Variants in UBE2E2 observed in about 807,000 individuals in gnomAD.
UBE2E2 encodes the protein ubiquitin-conjugating enzyme E2 E2.
A neutral mutation model predicts 24.7 loss-of-function variants in UBE2E2; 6 were observed. That is an observed-to-expected ratio of 0.24 (90% CI 0.13 to 0.48). UBE2E2 has a LOEUF of 0.48. Among genes scored for constraint, UBE2E2 ranks in the 20% least tolerant of loss-of-function variants. The pLI is 0.99. For synonymous variants in UBE2E2, 104 were observed against 83.6 expected, an observed-to-expected ratio of 1.24 and a Z score of -1.33; for missense variants, 169 against 245.0, an observed-to-expected ratio of 0.69 and a Z score of 2.07.
intron 4 of UBE2E2, among the ~76,000 whole-genome samples, chr3:23,527,833 C>T (rs1177878341): frequency 6.6e-6 from 1 of 151,954 alleles, no homozygotes; most frequent in Non-Finnish European, 1.5e-5. Context: ...CCCCACCCCA[C>T]CCCTTATGGC....
At chr3:23,270,415 G>T (rs534868632) in intron 3 of UBE2E2, among the ~76,000 whole-genome samples, 1 of 152,208 alleles carries the variant, frequency 6.6e-6, no homozygotes, top group African/African-American at 2.4e-5. Context: ...AGCCCCACGG[G>T]CCTGGGTTAT....
chr3:23,418,379 G>C (rs116076297), intron 3 of UBE2E2, among the ~76,000 whole-genome samples: 4,474 of 152,256 alleles, frequency 0.029, 110 homozygotes, highest in East Asian at 0.13. Flanking sequence ...GATCCGCTGT[G>C]TAACCAGTCC....
At chr3:23,496,348 A>G (rs1699601836) in intron 3 of UBE2E2, among the ~76,000 whole-genome samples, 1 of 152,142 alleles carries the variant, frequency 6.6e-6, no homozygotes, top group Admixed American at 6.5e-5. Flanking sequence ...CACTGCACAC[A>G]CTGAGAAGTG....
chr3:23,355,780 C>G (rs565382106), intron 3 of UBE2E2, among the ~76,000 whole-genome samples: 3 of 152,104 alleles, frequency 2.0e-5, no homozygotes, highest in African/African-American at 4.8e-5. Flanking sequence ...CCTCCTTTTT[C>G]TATAACAGTT....
chr3:23,203,848 C>T (rs35559434), intron 1 of UBE2E2, among the ~76,000 whole-genome samples: 1 of 151,842 alleles, frequency 6.6e-6, no homozygotes, highest in Non-Finnish European at 1.5e-5. Context: ...GGAAAGTGCC[C>T]GGCTTGATCT....
At chr3:23,218,259 C>A (rs1413882477) in intron 3 of UBE2E2, among the ~76,000 whole-genome samples, 16 of 152,108 alleles carry the variant, frequency 1.1e-4, no homozygotes, top group Non-Finnish European at 2.2e-4. Context: ...TGTGGTGAAT[C>A]TAATATGGTT....
chr3:23,565,951 T>C (rs1440103002), intron 5 of UBE2E2, among the ~76,000 whole-genome samples: 1 of 152,172 alleles, frequency 6.6e-6, no homozygotes, highest in Non-Finnish European at 1.5e-5. Context: ...ACTAAATTGT[T>C]GTCCAGAGTT....
chr3:23,577,372 T>C (rs535246446), intron 5 of UBE2E2, among the ~76,000 whole-genome samples: 4 of 150,454 alleles, frequency 2.7e-5, no homozygotes, highest in Non-Finnish European at 4.4e-5. Context: ...CTGATAGGGA[T>C]TTAGTGGTCT....
chr3:23,496,877 TATA>T (rs1699613233), intron 3 of UBE2E2, among the ~76,000 whole-genome samples: 1 of 152,190 alleles, frequency 6.6e-6, no homozygotes, highest in Non-Finnish European at 1.5e-5. Flanking sequence ...AAAATTCATG[TATA>T]ATGTTTGACT....
At chr3:23,354,002 G>T (rs1695850086) in intron 3 of UBE2E2, among the ~76,000 whole-genome samples, 2 of 152,196 alleles carry the variant, frequency 1.3e-5, no homozygotes, top group Non-Finnish European at 2.9e-5. Context: ...CAAGGCTACA[G>T]TAACCAAAGC....
intron 3 of UBE2E2, among the ~76,000 whole-genome samples, chr3:23,471,467 T>C (rs544525007): frequency 1.4e-3 from 216 of 152,020 alleles, no homozygotes; most frequent in African/African-American, 5.0e-3. Flanking sequence ...GGAAACAAGG[T>C]GGTTGATGGG....
intron 3 of UBE2E2, among the ~76,000 whole-genome samples, chr3:23,266,246 G>A (rs911301770): frequency 7.2e-5 from 11 of 152,088 alleles, no homozygotes; most frequent in Non-Finnish European, 1.0e-4. Flanking sequence ...TAGCCTCGAT[G>A]GTCTTTACAA....
chr3:23,314,912 A>C (rs192827441), intron 3 of UBE2E2, among the ~76,000 whole-genome samples: 19 of 152,282 alleles, frequency 1.2e-4, no homozygotes, highest in South Asian at 1.2e-3. Context: ...GATTATTACA[A>C]GCCTTGAGGT....
At chr3:23,300,611 C>A (rs976353570) in intron 3 of UBE2E2, among the ~76,000 whole-genome samples, 16 of 152,156 alleles carry the variant, frequency 1.1e-4, no homozygotes, top group Non-Finnish European at 1.5e-5. Flanking sequence ...GAATATTGGT[C>A]CCCACTGTCT....
At chr3:23,372,232 A>T (rs1299826755) in intron 3 of UBE2E2, among the ~76,000 whole-genome samples, 1 of 152,210 alleles carries the variant, frequency 6.6e-6, no homozygotes. Flanking sequence ...GAAAAAGCAC[A>T]CTCCTAATGG....
At chr3:23,268,492 C>T (rs1330092114) in intron 3 of UBE2E2, among the ~76,000 whole-genome samples, 1 of 150,612 alleles carries the variant, frequency 6.6e-6, no homozygotes, top group East Asian at 1.9e-4. Context: ...ATCCAACTTA[C>T]AAGGGATGTG....
chr3:23,225,514 T>G (rs533914147), intron 3 of UBE2E2, among the ~76,000 whole-genome samples: 168 of 152,282 alleles, frequency 1.1e-3, no homozygotes, highest in Middle Eastern at 3.4e-3. Context: ...CCTTTTGGCT[T>G]GTGTAGACCC....
intron 3 of UBE2E2, among the ~76,000 whole-genome samples, chr3:23,313,148 T>A (rs1025813622): frequency 3.3e-5 from 5 of 152,174 alleles, no homozygotes; most frequent in Admixed American, 3.3e-4. Context: ...TATTTCTTTG[T>A]TGATTTTCTG....
intron 3 of UBE2E2, among the ~76,000 whole-genome samples, chr3:23,397,480 G>A (rs528186141): frequency 3.3e-5 from 5 of 152,234 alleles, no homozygotes; most frequent in African/African-American, 1.2e-4. Flanking sequence ...TGTAAAATAG[G>A]ACATTGCCAG....
Sources: allele counts gnomAD v4.1 joint callset (sites outside exome capture counted in the v4.1 genomes callset), GRCh38; gene constraint gnomAD v4.1.1; transcripts MANE v1.5; gene names NCBI Gene and HGNC (gene_info 2026-07-23, HGNC 2026-07-21).